FAM171A1: variants seen among roughly 807,000 people sequenced by gnomAD.
FAM171A1 encodes the protein family with sequence similarity 171 member A1.
Under a neutral mutation model 74.9 loss-of-function variants are expected in FAM171A1, and 23 were observed. The observed-to-expected ratio is 0.31, with a 90% CI of 0.22 to 0.44. FAM171A1 has a LOEUF of 0.44. FAM171A1 is among the 20% of genes least tolerant of loss of function. The pLI is 1.00. For missense variants in FAM171A1, 1,162 were observed against 1,159.2 expected, an observed-to-expected ratio of 1.00 and a Z score of -0.03; for synonymous variants, 527 against 505.7, an observed-to-expected ratio of 1.04 and a Z score of -0.57.
At chr10:15,240,195 T>G (rs1056486609) in intron 5 of FAM171A1, among the ~76,000 whole-genome samples, 10 of 152,162 alleles carry the variant, frequency 6.6e-5, no homozygotes, top group African/African-American at 2.4e-4. Context: ...ACCCCATCTC[T>G]ACTAAAAATA....
At chr10:15,318,438 T>A (rs909875582) in intron 1 of FAM171A1, among the ~76,000 whole-genome samples, 1 of 152,302 alleles carries the variant, frequency 6.6e-6, no homozygotes, top group Middle Eastern at 3.4e-3. Context: ...GGTAAGTCTA[T>A]ACAGAAAAAG....
rs769373116 is a variant in FAM171A1 at position 15,213,016 on chromosome 10, C to T, written c.2572G>A (p.Glu858Lys). The T allele has an allele frequency of 1.6e-5, 26 of 1,614,020 alleles. No homozygotes were observed. The highest frequency in any genetic ancestry group is 1.8e-5 in the Non-Finnish European group (21 of 1,180,014). The change falls in exon 8 of 8, where the codon GAG (glutamate) becomes AAG (lysine). Residue 858 changes from glutamate to lysine, a missense_variant. Transcript: ENST00000378116. This position sits in a 1 kb window ranked among gnomAD's most constrained non-coding sequence, Gnocchi z 6.8. The part of the protein sequence containing the change: ...ASPHQRRSAH[E>K]EEEDDDDDDQ... ...TCATCATCATCGTCTTCCTCTTCCT[C>T]GTGGGCAGATCTTCTCTGGTGGGGG...
At chr10:15,335,851 G>T (rs954164794) in intron 1 of FAM171A1, among the ~76,000 whole-genome samples, 5 of 152,146 alleles carry the variant, frequency 3.3e-5, no homozygotes, top group Non-Finnish European at 2.9e-5. Context: ...GATTAAAAAG[G>T]GAAAGAGGAA....
intron 1 of FAM171A1, among the ~76,000 whole-genome samples, chr10:15,370,554 G>C (rs1191861944): frequency 6.6e-6 from 1 of 152,018 alleles, no homozygotes; most frequent in Non-Finnish European, 1.5e-5. Flanking sequence ...GTGGGGAGCC[G>C]GGAGCGCGAT....
chr10:15,271,951 C>T (rs12246633), intron 3 of FAM171A1, among the ~76,000 whole-genome samples: 63,177 of 152,028 alleles, frequency 0.42, 14,189 homozygotes, highest in African/African-American at 0.58. Flanking sequence ...CTAAAGACCA[C>T]TGATGCTAGG....
At chr10:15,218,724 A>G (rs1833998670) in intron 6 of FAM171A1, among the ~76,000 whole-genome samples, 1 of 152,050 alleles carries the variant, frequency 6.6e-6, no homozygotes, top group African/African-American at 2.4e-5. Flanking sequence ...CCTCTCAAGT[A>G]ACCGGGATTA....
chr10:15,325,936 G>A (rs1323721924), intron 1 of FAM171A1, among the ~76,000 whole-genome samples: 1 of 152,136 alleles, frequency 6.6e-6, no homozygotes, highest in African/African-American at 2.4e-5. Context: ...ACTCTTACTT[G>A]TAAACCACAT....
intron 5 of FAM171A1, among the ~76,000 whole-genome samples, chr10:15,234,782 A>G (rs1435752184): frequency 6.6e-6 from 1 of 151,646 alleles, no homozygotes; most frequent in Non-Finnish European, 1.5e-5. Context: ...CCTCCCGAGT[A>G]GCTGGGACTA....
intron 3 of FAM171A1, among the ~76,000 whole-genome samples, chr10:15,273,581 CACA>C (rs1277922829): frequency 2.6e-5 from 4 of 152,268 alleles, no homozygotes; most frequent in African/African-American, 9.6e-5. Context: ...CTGGCAGAGA[CACA>C]ACAACAACAA....
intron 1 of FAM171A1, among the ~76,000 whole-genome samples, chr10:15,339,994 G>A (rs1400794775): frequency 6.6e-6 from 1 of 152,116 alleles, no homozygotes; most frequent in Admixed American, 6.6e-5. Flanking sequence ...CAGCATGGGG[G>A]AAAAGCCCCC....
intron 1 of FAM171A1, among the ~76,000 whole-genome samples, chr10:15,285,161 A>T (rs1330332986): frequency 6.6e-6 from 1 of 152,170 alleles, no homozygotes; most frequent in Non-Finnish European, 1.5e-5. Context: ...GCGTGAGTAA[A>T]CAGGAAAGTA....
At chr10:15,311,585 C>T (rs1409490967) in intron 1 of FAM171A1, among the ~76,000 whole-genome samples, 1 of 152,148 alleles carries the variant, frequency 6.6e-6, no homozygotes, top group East Asian at 1.9e-4. Flanking sequence ...CTTAAATAAG[C>T]TCTAAAGCAT....
intron 1 of FAM171A1, among the ~76,000 whole-genome samples, chr10:15,343,699 G>A (rs1443947109): frequency 2.0e-5 from 3 of 152,158 alleles, no homozygotes; most frequent in African/African-American, 4.8e-5. Flanking sequence ...TGCACAGGCC[G>A]GTGGTCAGGA....
chr10:15,289,551 C>A (rs1361359018), intron 1 of FAM171A1, among the ~76,000 whole-genome samples: 1 of 152,192 alleles, frequency 6.6e-6, no homozygotes, highest in African/African-American at 2.4e-5. Flanking sequence ...CATCCATCAC[C>A]CACACTGCTG....
chr10:15,243,485 C>T (rs1021009454), intron 5 of FAM171A1, among the ~76,000 whole-genome samples: 22 of 152,032 alleles, frequency 1.4e-4, no homozygotes, highest in African/African-American at 4.8e-4. Flanking sequence ...TAAAGTCCAC[C>T]GAGGAAAGCA....
upstream of FAM171A1, among the ~76,000 whole-genome samples, chr10:15,372,840 G>A (rs764661665): frequency 4.0e-5 from 6 of 151,562 alleles, no homozygotes; most frequent in Non-Finnish European, 8.8e-5. Flanking sequence ...ACCCACTCCT[G>A]TCGGTATGCC....
chr10:15,213,062 G>A lies in FAM171A1; in HGVS notation c.2526C>T (p.Ala842=). The change falls in exon 8 of 8, where the codon GCC becomes GCT. Residue 842 remains alanine, a synonymous_variant. Transcript: ENST00000378116. The surrounding 1 kb of genome is among the most constrained non-coding windows in gnomAD (Gnocchi z 6.8). ...GGGGGCTGGCTGCTGGCTCCGAGGG[G>A]GCATCCGCAGTCCGTCTGGTCGTCT... ...QEETTRRTAD[A]PSEPAASPHQ... 1 of 1,613,668 alleles carries A rather than the reference G, an allele frequency of 6.2e-7. No homozygotes were observed. Among genetic ancestry groups the A allele is most frequent in the African/African-American group, 1.3e-5 (1 of 74,982 alleles).
At chr10:15,258,896 T>C (rs1208781423) in intron 3 of FAM171A1, among the ~76,000 whole-genome samples, 1 of 152,216 alleles carries the variant, frequency 6.6e-6, no homozygotes, top group East Asian at 1.9e-4. Context: ...TTCTGTGCTC[T>C]GCTCGCTCCC....
intron 4 of FAM171A1, among the ~76,000 whole-genome samples, chr10:15,254,163 G>A (rs912577328): frequency 3.0e-4 from 45 of 152,250 alleles, no homozygotes; most frequent in African/African-American, 1.1e-3. Context: ...GACACAGATG[G>A]CAGAGGGCGG....
Sources: gnomAD v4.1 joint callset for allele counts (sites outside exome capture counted in the v4.1 genomes callset) on GRCh38, gnomAD v4.1.1 for gene constraint, Gnocchi (gnomAD v3.1) non-coding constraint, MANE v1.5 for transcripts, NCBI Gene and HGNC (gene_info 2026-07-23, HGNC 2026-07-21) for gene names.